The following THEMIS variants were observed in gnomAD, a reference collection of about 807,000 sequenced individuals.
The protein encoded by THEMIS is protein THEMIS.
In THEMIS, 37 loss-of-function variants were observed where a neutral mutation model predicts 52.6. The observed-to-expected ratio is 0.70, with a 90% CI of 0.54 to 0.93. The LOEUF (loss-of-function observed/expected upper bound fraction) is 0.93, where lower values mean the gene tolerates loss of function less well. Ranked by LOEUF, THEMIS falls within the 40% of genes least tolerant of loss-of-function variation. The pLI, the probability that THEMIS is intolerant of heterozygous loss-of-function variation, is 0.00. For missense variants in THEMIS, 808 were observed against 763.1 expected, an observed-to-expected ratio of 1.06 and a Z score of -0.69; for synonymous variants, 292 against 272.7, an observed-to-expected ratio of 1.07 and a Z score of -0.70.
intron 2 of THEMIS, among the ~76,000 whole-genome samples, chr6:127,849,916 A>G (rs1206077415): frequency 6.6e-6 from 1 of 152,170 alleles, no homozygotes; most frequent in Non-Finnish European, 1.5e-5. Context: ...GAGTTTCCAC[A>G]CAGCAAAAGA....
At chr6:127,832,046 T>C (rs1024092023) in intron 2 of THEMIS, among the ~76,000 whole-genome samples, 3 of 152,142 alleles carry the variant, frequency 2.0e-5, no homozygotes, top group African/African-American at 4.8e-5. Flanking sequence ...TTTTAAAAAA[T>C]GCGTACCTAA....
intron 4 of THEMIS, among the ~76,000 whole-genome samples, chr6:127,767,668 CT>C (rs1166970022): frequency 1.3e-5 from 2 of 151,984 alleles, no homozygotes; most frequent in African/African-American, 4.8e-5. Context: ...TTACAGTAAA[CT>C]TTTTTTAATA....
intron 4 of THEMIS, among the ~76,000 whole-genome samples, chr6:127,811,218 T>C (rs1583303096): frequency 6.6e-6 from 1 of 152,164 alleles, no homozygotes; most frequent in South Asian, 2.1e-4. Flanking sequence ...ATCAACTTAG[T>C]GGCTTAAATA....
intron 1 of THEMIS, among the ~76,000 whole-genome samples, chr6:127,892,047 GCCTTCCCTGACC>G: frequency 1.3e-5 from 2 of 152,030 alleles, no homozygotes; most frequent in Non-Finnish European, 2.9e-5. Context: ...CTTCAGAGTG[GCCTTCCCTGACC>G]ACATTAGTTT....
At chr6:127,871,057 A>T (rs1258580274) in intron 1 of THEMIS, among the ~76,000 whole-genome samples, 1 of 152,168 alleles carries the variant, frequency 6.6e-6, no homozygotes, top group East Asian at 1.9e-4. Context: ...TCAAGTACCC[A>T]CAATAACATA....
chr6:127,878,991 T>G (rs1780397323), intron 1 of THEMIS, among the ~76,000 whole-genome samples: 1 of 152,202 alleles, frequency 6.6e-6, no homozygotes, highest in Non-Finnish European at 1.5e-5. Flanking sequence ...CAGCAGAAAT[T>G]AAAAATTGTA....
chr6:127,812,462 T>A (rs993789144), intron 4 of THEMIS, among the ~76,000 whole-genome samples: 1 of 152,140 alleles, frequency 6.6e-6, no homozygotes, highest in Non-Finnish European at 1.5e-5. Flanking sequence ...ATGCTACCAG[T>A]AACCCCCCAT....
At chr6:127,842,311 A>G (rs1779076576) in intron 2 of THEMIS, among the ~76,000 whole-genome samples, 1 of 152,000 alleles carries the variant, frequency 6.6e-6, no homozygotes, top group African/African-American at 2.4e-5. Flanking sequence ...GGAGTATATA[A>G]TTCTCCAAAT....
At chr6:127,731,393 A>T (rs940704112) in intron 4 of THEMIS, among the ~76,000 whole-genome samples, 5 of 152,234 alleles carry the variant, frequency 3.3e-5, no homozygotes, top group African/African-American at 1.2e-4. Flanking sequence ...TCGGGGAAAA[A>T]AAAACAGAAC....
At chr6:127,783,441 A>T (rs1018411974) in intron 4 of THEMIS, among the ~76,000 whole-genome samples, 1 of 152,254 alleles carries the variant, frequency 6.6e-6, no homozygotes, top group Non-Finnish European at 1.5e-5. Context: ...CTATCATTAG[A>T]GTGAATAGGC....
At chr6:127,911,986 T>G (rs1781423019) in intron 1 of THEMIS, among the ~76,000 whole-genome samples, 2 of 152,122 alleles carry the variant, frequency 1.3e-5, no homozygotes, top group Admixed American at 1.3e-4. Context: ...GTTTGTCTGA[T>G]GTTTTTCTCA....
chr6:127,904,933 C>A (rs545461621), upstream of THEMIS, among the ~76,000 whole-genome samples: 7 of 151,632 alleles, frequency 4.6e-5, no homozygotes, highest in Non-Finnish European at 1.0e-4. Flanking sequence ...TAGGAAATAT[C>A]TGCTCTCTCT....
chr6:127,908,180 C>A (rs950461576), intron 1 of THEMIS, among the ~76,000 whole-genome samples: 13 of 151,956 alleles, frequency 8.6e-5, no homozygotes, highest in Admixed American at 5.3e-4. Flanking sequence ...ATCCTTTTTT[C>A]TAAATTAATG....
upstream of THEMIS, among the ~76,000 whole-genome samples, chr6:127,904,261 T>C (rs148991783): frequency 6.2e-4 from 94 of 152,178 alleles, no homozygotes; most frequent in Middle Eastern, 3.4e-3. Flanking sequence ...CAGGGTTGAT[T>C]GTATGAGACA....
chr6:127,717,867 C>T (rs1035833049), intron 5 of THEMIS, among the ~76,000 whole-genome samples: 1 of 150,682 alleles, frequency 6.6e-6, no homozygotes, highest in Non-Finnish European at 1.5e-5. Context: ...GTCTCTGCAA[C>T]TGTTACTCTC....
At chr6:127,801,975 A>G (rs949211624) in intron 4 of THEMIS, among the ~76,000 whole-genome samples, 4 of 152,180 alleles carry the variant, frequency 2.6e-5, no homozygotes, top group Non-Finnish European at 4.4e-5. Context: ...AGGAACATAC[A>G]GTTGGATCAC....
Position 127,829,743 on chromosome 6 carries a change from T to C in THEMIS, c.442A>G (p.Ile148Val). ...LNSVEEIDGE[I>V]MVSCAVARNH... ...CTTGCTACTGCACAGCTCACCATTATTTCTCCATCAATCTCTTCAACTGAG... is the reference window on the plus strand; with the variant it reads ...CTTGCTACTGCACAGCTCACCATTACTTCTCCATCAATCTCTTCAACTGAG... Residue 148 changes from isoleucine (I) to valine (V), a missense_variant, in exon 3 of 6, where the codon ATA (isoleucine) becomes GTA (valine). Transcript: ENST00000368248. 1 of 1,614,128 alleles carries C rather than the reference T, an allele frequency of 6.2e-7. No individual in the cohort carries two copies. Among genetic ancestry groups the C allele is most frequent in the Non-Finnish European group, 8.5e-7 (1 of 1,180,010 alleles).
At chr6:127,885,576 A>G (rs1034774922) in intron 1 of THEMIS, among the ~76,000 whole-genome samples, 3 of 106,514 alleles carry the variant, frequency 2.8e-5, no homozygotes, top group Non-Finnish European at 5.4e-5. Context: ...AAGAAGAAGA[A>G]AGAAAAGGAA....
At chr6:127,880,962 G>A (rs1780467715) in intron 1 of THEMIS, among the ~76,000 whole-genome samples, 1 of 152,080 alleles carries the variant, frequency 6.6e-6, no homozygotes, top group Admixed American at 6.5e-5. Context: ...AAGACGCGAT[G>A]ATTCCAAGTA....
Sources: gnomAD v4.1 joint callset for allele counts (sites outside exome capture counted in the v4.1 genomes callset) on GRCh38, gnomAD v4.1.1 for gene constraint, MANE v1.5 for transcripts, NCBI Gene and HGNC (gene_info 2026-07-23, HGNC 2026-07-21) for gene names.